The following ATG16L1 variants were observed in gnomAD, a reference collection of about 807,000 sequenced individuals.
ATG16L1 encodes the protein autophagy-related protein 16-1.
In ATG16L1, 37 loss-of-function variants were observed where a neutral mutation model predicts 88.5. The ratio of observed to expected loss-of-function variants is 0.42; its 90% CI spans 0.32 to 0.55. ATG16L1 has a LOEUF of 0.55. ATG16L1 is among the 20% of genes least tolerant of loss of function. The pLI is 0.13. For synonymous variants in ATG16L1, 301 were observed against 281.0 expected, an observed-to-expected ratio of 1.07 and a Z score of -0.71; for missense variants, 554 against 752.8, an observed-to-expected ratio of 0.74 and a Z score of 3.09.
intron 11 of ATG16L1, among the ~76,000 whole-genome samples, chr2:233,282,438 A>C (rs1036487931): frequency 2.0e-5 from 3 of 152,168 alleles, no homozygotes; most frequent in African/African-American, 4.8e-5. Context: ...GCTGGGTTCC[A>C]TTTGGAGCTT....
At chr2:233,258,753 G>A (rs1367673122) in intron 2 of ATG16L1, among the ~76,000 whole-genome samples, 7 of 152,196 alleles carry the variant, frequency 4.6e-5, no homozygotes, top group Non-Finnish European at 1.0e-4. Context: ...CTGGAGTGCA[G>A]TGGCATGATC....
At chr2:233,257,359 G>A (rs1696865565) in intron 2 of ATG16L1, among the ~76,000 whole-genome samples, 1 of 152,166 alleles carries the variant, frequency 6.6e-6, no homozygotes, top group Admixed American at 6.5e-5. Context: ...TTATAATGGT[G>A]CAGAAGCGAT....
rs888200619 is a variant in ATG16L1 at position 233,276,182 on chromosome 2, C to T, written c.955-1386C>T. On this transcript the variant is annotated intron_variant, in intron 9 of 17. Transcript: ENST00000392017. ...GTCACTCCCTCCGTGATACTTCAAG[C>T]ATTTTATTTTTTTTTAGTCCCAAGC... 9.2e-5 allele frequency among the ~76,000 whole-genome samples: 14 copies of T among 152,128 alleles called. 1 individual carries two copies. The highest frequency in any genetic ancestry group is 3.4e-4 in the African/African-American group (14 of 41,438).
chr2:233,293,181 T>TG, intron 16 of ATG16L1, 75 bp from the exon 17 acceptor site: 2 of 1,299,706 alleles, frequency 1.5e-6, no homozygotes, highest in Non-Finnish European at 2.2e-6. Flanking sequence ...CATTCCTTCT[T>TG]GGGAAAAAGG....
At chr2:233,266,361 C>T (rs943633111) in intron 5 of ATG16L1, among the ~76,000 whole-genome samples, 4 of 152,096 alleles carry the variant, frequency 2.6e-5, no homozygotes, top group African/African-American at 7.2e-5. Context: ...CAGGAGGCTG[C>T]TGCGGGAGAG....
chr2:233,257,223 G>T (rs111359684), intron 2 of ATG16L1, among the ~76,000 whole-genome samples: 1 of 152,020 alleles, frequency 6.6e-6, no homozygotes, highest in African/African-American at 2.4e-5. Flanking sequence ...TAGAGACGGG[G>T]TTTCACCGTG....
chr2:233,257,668 A>T (rs932523567), intron 2 of ATG16L1, among the ~76,000 whole-genome samples: 12 of 152,216 alleles, frequency 7.9e-5, no homozygotes, highest in Non-Finnish European at 1.6e-4. Flanking sequence ...TCAAATTAGC[A>T]GATTGCAGTA....
chr2:233,277,946 G>C (rs1574879936), intron 10 of ATG16L1, among the ~76,000 whole-genome samples: 1 of 152,168 alleles, frequency 6.6e-6, no homozygotes, highest in Non-Finnish European at 1.5e-5. Flanking sequence ...TGTTAGTAAG[G>C]TTTCTGTAGT....
chr2:233,270,156 T>C (rs1415053266), intron 6 of ATG16L1, 89 bp downstream of exon 6: 1 of 1,301,412 alleles, frequency 7.7e-7, no homozygotes, highest in African/African-American at 1.5e-5. Flanking sequence ...TGTTTGGTTT[T>C]TTTTGAGACA....
At chr2:233,290,068 G>C (rs1369053998) in intron 13 of ATG16L1, 94 bp downstream of exon 13, 1 of 1,577,856 alleles carries the variant, frequency 6.3e-7, no homozygotes, top group African/African-American at 1.3e-5. Context: ...ATGTAATATA[G>C]TTTGAATTTC....
chr2:233,254,161 G>A (rs565313245), intron 1 of ATG16L1, among the ~76,000 whole-genome samples: 27 of 152,304 alleles, frequency 1.8e-4, no homozygotes, highest in African/African-American at 6.3e-4. Flanking sequence ...TTTGAAAATG[G>A]CATCTTGATG....
At chr2:233,293,707 T>G (rs1165051295) in intron 17 of ATG16L1, among the ~76,000 whole-genome samples, 1 of 152,198 alleles carries the variant, frequency 6.6e-6, no homozygotes, top group Admixed American at 6.5e-5. Context: ...GTCCCTGTTG[T>G]CAGTGCATTT....
chr2:233,252,342 T>C (rs1696433061), intron 1 of ATG16L1, among the ~76,000 whole-genome samples: 1 of 152,128 alleles, frequency 6.6e-6, no homozygotes, highest in African/African-American at 2.4e-5. Context: ...CTTTGATTCC[T>C]CAAACTTACT....
chr2:233,277,306 G>C, intron 9 of ATG16L1: 1 of 318,744 alleles, frequency 3.1e-6, no homozygotes, highest in African/African-American at 2.1e-5. Flanking sequence ...ATTAATGCAA[G>C]GACCAACTTT....
chr2:233,293,157 C>G (rs1165272736), intron 16 of ATG16L1, 99 bp from the exon 17 acceptor site: 9 of 1,011,826 alleles, frequency 8.9e-6, no homozygotes, highest in Admixed American at 1.8e-5. Context: ...GAGTGGTCAT[C>G]AGTGAAGAAC....
rs570687993 is a variant in ATG16L1, at chr2:233,295,329, G to A, written c.*979G>A. 2 of 152,908 alleles carry A rather than the reference G, an allele frequency of 1.3e-5. No homozygotes were observed. The highest frequency in any genetic ancestry group is 2.1e-4 in the South Asian group (1 of 4,830). 9.5% of individuals were successfully genotyped at this position (152,908 alleles called of 1,614,324 possible). On this transcript the variant is annotated 3_prime_UTR_variant, in exon 18 of 18. Transcript: ENST00000392017. Reference sequence around the variant, plus strand: ...CATTTATCTTTACTATTTTACCTACGTATAAAGTTTTAGTTCATTGGGTGT... The same window carrying A: ...CATTTATCTTTACTATTTTACCTACATATAAAGTTTTAGTTCATTGGGTGT...
At chr2:233,259,290 A>G (rs191673491) in intron 2 of ATG16L1, among the ~76,000 whole-genome samples, 2 of 152,276 alleles carry the variant, frequency 1.3e-5, no homozygotes, top group Admixed American at 6.5e-5. Context: ...TCCTCATAGG[A>G]CACATGCAGA....
intron 13 of ATG16L1, 67 bp from the exon 14 acceptor site, chr2:233,290,181 T>C: frequency 1.3e-6 from 2 of 1,548,974 alleles, no homozygotes; most frequent in African/African-American, 1.4e-5. Flanking sequence ...GGTTAGAGGG[T>C]GGCAGCATTA....
intron 12 of ATG16L1, among the ~76,000 whole-genome samples, chr2:233,283,165 T>C (rs1214339626): frequency 6.6e-6 from 1 of 152,046 alleles, no homozygotes; most frequent in Admixed American, 6.5e-5. Flanking sequence ...AAACAAAAAC[T>C]CCAAGCTGAG....
Sources: gnomAD v4.1 joint callset for allele counts (sites outside exome capture counted in the v4.1 genomes callset) on GRCh38, gnomAD v4.1.1 for gene constraint, MANE v1.5 for transcripts, NCBI Gene and HGNC (gene_info 2026-07-23, HGNC 2026-07-21) for gene names.